The following TPD52L2 variants were observed in gnomAD, a reference collection of about 807,000 sequenced individuals.
TPD52L2 encodes tumor protein D54.
In TPD52L2, 19 loss-of-function variants were observed where a neutral mutation model predicts 24.7. The ratio of observed to expected loss-of-function variants is 0.77; its 90% CI spans 0.54 to 1.13. The LOEUF is 1.13. Among genes scored for constraint, TPD52L2 ranks in the 50% most tolerant of loss-of-function variants. The pLI, the probability that TPD52L2 is intolerant of heterozygous loss-of-function variation, is 0.00. For missense variants in TPD52L2, 236 were observed against 250.4 expected, an observed-to-expected ratio of 0.94 and a Z score of 0.39; for synonymous variants, 104 against 100.2, an observed-to-expected ratio of 1.04 and a Z score of -0.23.
intron 5 of TPD52L2, chr20:63,887,762 C>A: frequency 1.4e-6 from 1 of 722,100 alleles, no homozygotes; most frequent in Non-Finnish European, 2.4e-6. Context: ...CGGTAAAAAC[C>A]CCCTCTAGGC....
At chr20:63,873,500 A>C (rs940028572) in intron 2 of TPD52L2, among the ~76,000 whole-genome samples, 168 bp from the exon 3 acceptor site, 1 of 152,130 alleles carries the variant, frequency 6.6e-6, no homozygotes, top group Non-Finnish European at 1.5e-5. Flanking sequence ...AAAAAAAAAA[A>C]AACCAAAACC....
intron 5 of TPD52L2, chr20:63,887,834 G>A (rs1358439319): frequency 1.2e-5 from 7 of 582,626 alleles, no homozygotes; most frequent in South Asian, 8.0e-5. Context: ...GGAGATCCTT[G>A]TGTCAAACTG....
chr20:63,880,764 G>A (rs1002321098), intron 4 of TPD52L2, among the ~76,000 whole-genome samples: 5 of 151,890 alleles, frequency 3.3e-5, no homozygotes, highest in African/African-American at 4.8e-5. Flanking sequence ...GGTGGCGGGC[G>A]CCTGTAGTCC....
intron 5 of TPD52L2, among the ~76,000 whole-genome samples, chr20:63,886,422 G>A (rs1349700993): frequency 1.3e-4 from 20 of 151,530 alleles, no homozygotes; most frequent in East Asian, 3.9e-4. Flanking sequence ...GTGCCGTGGC[G>A]CGATCTCGGC....
chr20:63,866,587 A>G (rs562802462), intron 1 of TPD52L2, among the ~76,000 whole-genome samples: 2 of 151,192 alleles, frequency 1.3e-5, no homozygotes, highest in East Asian at 2.0e-4. Context: ...TCAGCCTCCC[A>G]ACTAGCTGGG....
Position 63,873,729 on chromosome 20 carries a change from A to C in TPD52L2, c.227A>C (p.Glu76Ala), listed in dbSNP as rs1367665402. 1.2e-6 allele frequency: 2 copies of C among 1,610,202 alleles called. No homozygotes were observed. The highest frequency in any genetic ancestry group is 2.2e-5 in the South Asian group (2 of 90,410). ...VLAAKERHCG[E>A]LKRRLGLSTL... is the part of the protein sequence containing the mutation. ...GCAGCCAAGGAGAGGCACTGTGGAG[A>C]GCTCAAGAGGAGGCTGGGCCTCTCC... Residue 76 changes from glutamate (E) to alanine (A), a missense_variant, in exon 3 of 7, where the codon GAG becomes GCG. Coordinates refer to ENST00000346249, the MANE Select transcript of TPD52L2 (RefSeq NM_003288.4).
rs529264481 is a variant in TPD52L2 at position 63,883,604 on chromosome 20, C to G, written c.476+784C>G. 5.3e-5 allele frequency among the ~76,000 whole-genome samples: 8 copies of G among 152,290 alleles called. No individual in the cohort carries two copies. In the South Asian group the frequency reaches 1.5e-3, roughly 28 times the overall value. ...CAACTTCTGGGTGCTGCTGCCCACC[C>G]TGCCCTGACCCCTTTCCCATTCTCA... is the stretch of plus-strand genomic sequence containing the variant. On this transcript the variant is annotated intron_variant, in intron 5 of 6. Coordinates refer to ENST00000346249, the MANE Select transcript of TPD52L2 (RefSeq NM_003288.4).
chr20:63,886,218 C>G (rs560258389), intron 5 of TPD52L2, among the ~76,000 whole-genome samples: 6 of 152,288 alleles, frequency 3.9e-5, no homozygotes, highest in Admixed American at 2.6e-4. Context: ...AAAGCAGCAG[C>G]GTGGGATCGA....
chr20:63,881,526 T>C lies in TPD52L2; in HGVS notation c.375-1193T>C, dbSNP rs535932644. Among the ~76,000 whole-genome samples, 19 of 152,274 alleles carry C rather than the reference T, an allele frequency of 1.2e-4. No homozygotes were observed. In the East Asian group the frequency reaches 3.7e-3, roughly 29 times the overall value. On this transcript the variant is annotated intron_variant, in intron 4 of 6. Coordinates refer to ENST00000346249, the MANE Select transcript of TPD52L2 (RefSeq NM_003288.4). ...AGTAGCACTCAGCTCACACGGGCCT[T>C]CTGCAGGGAGTGGTGGGAGGGCCTG...
At chr20:63,878,568 C>T (rs2052776624) in intron 4 of TPD52L2, among the ~76,000 whole-genome samples, 1 of 152,178 alleles carries the variant, frequency 6.6e-6, no homozygotes. Context: ...CAGTGTGGCC[C>T]CATATGGGTC....
chr20:63,877,304 C>T lies in TPD52L2; in HGVS notation c.374+1429C>T, dbSNP rs539730255. On this transcript the variant is annotated intron_variant, in intron 4 of 6. Coordinates refer to ENST00000346249, the MANE Select transcript of TPD52L2 (RefSeq NM_003288.4). This position sits in a 1 kb window ranked among gnomAD's most constrained non-coding sequence, Gnocchi z 4.1. The stretch of plus-strand genomic sequence containing the variant: ...CCTCCCAAAGTGCTGGGACTACAGG[C>T]GCCCACCACCACGCCCGGCTAATTT... 1.8e-3 allele frequency: 517 copies of T among 281,242 alleles called. 2 individuals are homozygous for T. The highest frequency in any genetic ancestry group is 0.013 in the Middle Eastern group (9 of 698). The allele number at this position is 281,242 out of a possible 1,614,324, so 17.4% of individuals were successfully genotyped here. A position where few individuals can be genotyped will look rare whatever the true frequency, so the allele number is the denominator to read the frequency against.
chr20:63,886,500 T>C (rs1039436533), intron 5 of TPD52L2, among the ~76,000 whole-genome samples: 24 of 151,918 alleles, frequency 1.6e-4, no homozygotes, highest in African/African-American at 5.6e-4. Context: ...TAGCTGGGAC[T>C]ACAGGCGCCC....
chr20:63,871,825 C>T (rs1425110523), intron 2 of TPD52L2, among the ~76,000 whole-genome samples: 1 of 151,070 alleles, frequency 6.6e-6, no homozygotes, highest in Non-Finnish European at 1.5e-5. Context: ...GTAGAGACGG[C>T]CTTTCATCAT....
In TPD52L2 at chr20:63,890,256, G is replaced by A; in HGVS notation, c.*311G>A. On this transcript the variant is annotated 3_prime_UTR_variant, in exon 7 of 7. Transcript: ENST00000346249. The stretch of plus-strand genomic sequence containing the variant: ...GAGCCAAAGCCCAGGCTCCCTTTGG[G>A]AATCATGTTAGCCCATCAGAATGTT... 1.9e-6 allele frequency: 1 copy of A among 524,214 alleles called. No homozygotes were observed. 32.5% of individuals were successfully genotyped at this position (524,214 alleles called of 1,614,324 possible). A position where few individuals can be genotyped will look rare whatever the true frequency, so the allele number is the denominator to read the frequency against.
At position 63,877,829 on chromosome 20, in the gene TPD52L2, G is replaced by A. The variant is rs924672297; in HGVS notation, c.374+1954G>A. 2.0e-5 allele frequency among the ~76,000 whole-genome samples: 3 copies of A among 152,264 alleles called. No individual in the cohort carries two copies. The highest frequency in any genetic ancestry group is 4.4e-5 in the Non-Finnish European group (3 of 68,036). On this transcript the variant is annotated intron_variant, in intron 4 of 6. Coordinates refer to ENST00000346249, the MANE Select transcript of TPD52L2 (RefSeq NM_003288.4). The surrounding 1 kb of genome is among the most constrained non-coding windows in gnomAD (Gnocchi z 4.1). ...TCTGTGGCGAGAGCTGTCAACTGAC[G>A]GTTCCAGAGTGGAAGCGTTTCTGCC...
chr20:63,866,253 C>A (rs1282413113), intron 1 of TPD52L2, among the ~76,000 whole-genome samples: 1 of 151,840 alleles, frequency 6.6e-6, no homozygotes, highest in Non-Finnish European at 1.5e-5. Context: ...TACAGGCACG[C>A]GCCACCAGGC....
At position 63,877,817 on chromosome 20, in the gene TPD52L2, C is replaced by T. The variant is rs1024407355; in HGVS notation, c.374+1942C>T. 1.3e-5 allele frequency among the ~76,000 whole-genome samples: 2 copies of T among 152,284 alleles called. No homozygotes were observed. Among genetic ancestry groups the T allele is most frequent in the Non-Finnish European group, 2.9e-5 (2 of 68,048 alleles). On this transcript the variant is annotated intron_variant, in intron 4 of 6. Coordinates refer to ENST00000346249, the MANE Select transcript of TPD52L2 (RefSeq NM_003288.4). The surrounding 1 kb of genome is among the most constrained non-coding windows in gnomAD (Gnocchi z 4.1). ...ATTCCCCTGAGTTCTGTGGCGAGAGCTGTCAACTGACGGTTCCAGAGTGGA... is the reference window on the plus strand; with the variant it reads ...ATTCCCCTGAGTTCTGTGGCGAGAGTTGTCAACTGACGGTTCCAGAGTGGA...
At chr20:63,886,379 T>G (rs559806208) in intron 5 of TPD52L2, among the ~76,000 whole-genome samples, 38 of 151,792 alleles carry the variant, frequency 2.5e-4, no homozygotes, top group Non-Finnish European at 4.0e-4. Flanking sequence ...TTTTTTTTTT[T>G]AGACGGAGTC....
At chr20:63,869,518 G>C in intron 2 of TPD52L2, 77 bp downstream of exon 2, 1 of 1,576,056 alleles carries the variant, frequency 6.3e-7, no homozygotes, top group Non-Finnish European at 8.7e-7. Context: ...CCAGGGTACT[G>C]GCCACGCTCG....
Sources: gnomAD v4.1 joint callset for allele counts (sites outside exome capture counted in the v4.1 genomes callset) on GRCh38, gnomAD v4.1.1 for gene constraint, Gnocchi (gnomAD v3.1) non-coding constraint, MANE v1.5 for transcripts, NCBI Gene and HGNC (gene_info 2026-07-23, HGNC 2026-07-21) for gene names.